Variants in MYO1F observed in about 807,000 individuals in gnomAD.
MYO1F encodes myosin IF.
MYO1F carries 60 observed loss-of-function variants against 146.6 expected under a neutral mutation model. The observed-to-expected ratio is 0.41, with a 90% confidence interval of 0.33 to 0.51. The LOEUF is 0.51. MYO1F is among the 20% of genes least tolerant of loss of function. MYO1F has a pLI of 0.25. For missense variants in MYO1F, 1,274 were observed against 1,534.3 expected, an observed-to-expected ratio of 0.83 and a Z score of 2.83; for synonymous variants, 602 against 602.1, an observed-to-expected ratio of 1.00 and a Z score of 0.00.
intron 4 of MYO1F, 116 bp downstream of exon 4, chr19:8,554,361 G>A: frequency 2.3e-6 from 2 of 853,890 alleles, no homozygotes; most frequent in South Asian, 1.3e-5. Flanking sequence ...TGAGGGCAGA[G>A]AGGGACAGCA....
Position 8,530,259 on chromosome 19 carries a change from G to A in MYO1F, c.2265C>T (p.Phe755=), listed in dbSNP as rs373696615. The A allele has an allele frequency of 1.7e-5, 27 of 1,614,032 alleles. No homozygotes were observed. Among genetic ancestry groups the A allele is most frequent in the Non-Finnish European group, 2.3e-5 (27 of 1,180,040 alleles). Residue 755 remains phenylalanine (F), a synonymous_variant, in exon 21 of 28, where the codon TTC becomes TTT. Coordinates refer to ENST00000644032, the MANE Select transcript of MYO1F (RefSeq NM_012335.4). This position sits in a 1 kb window ranked among gnomAD's most constrained non-coding sequence, Gnocchi z 5.8. ...GLEERPELRQ[F]LGKRERVDFA... ...AGTCCACCCGCTCCCTCTTGCCCAG[G>A]AACTGACGCAGCTCGGGCCGCTCCT...
At chr19:8,559,767 TG>T (rs1974001948) in intron 1 of MYO1F, among the ~76,000 whole-genome samples, 1 of 151,782 alleles carries the variant, frequency 6.6e-6, no homozygotes, top group African/African-American at 2.4e-5. Flanking sequence ...CTGACCAACA[TG>T]GTGAAACTCC....
chr19:8,526,031 A>AAAAAC (rs1491221778), intron 24 of MYO1F, among the ~76,000 whole-genome samples: 1 of 151,882 alleles, frequency 6.6e-6, no homozygotes, highest in Non-Finnish European at 1.5e-5. Flanking sequence ...GCCTTTGTTT[A>AAAAAC]AAAGTCTGTC....
At chr19:8,570,033 A>T (rs2042079830) in intron 1 of MYO1F, among the ~76,000 whole-genome samples, 1 of 151,810 alleles carries the variant, frequency 6.6e-6, no homozygotes, top group Non-Finnish European at 1.5e-5. Flanking sequence ...CAGCCTCCTG[A>T]GTAGCTGGGA....
intron 1 of MYO1F, chr19:8,576,947 G>A: frequency 2.2e-6 from 1 of 448,414 alleles, no homozygotes; most frequent in East Asian, 4.4e-5. Context: ...GGCTACACAG[G>A]GAGACGAGAG....
chr19:8,521,734 C>T, intron 27 of MYO1F, 130 bp from the exon 28 acceptor site: 6 of 811,890 alleles, frequency 7.4e-6, no homozygotes, highest in East Asian at 2.7e-5. Flanking sequence ...TAGGCTTAAG[C>T]CATCCTCCTG....
chr19:8,537,081 G>A lies in MYO1F; in HGVS notation c.1693-26C>T, dbSNP rs377220910. 7.6e-5 allele frequency: 115 copies of A among 1,516,132 alleles called. 1 individual carries two copies. Among genetic ancestry groups the A allele is most frequent in the Non-Finnish European group, 9.6e-5 (105 of 1,097,624 alleles). 93.9% of individuals were successfully genotyped at this position (1,516,132 alleles called of 1,614,324 possible). On this transcript the variant is annotated intron_variant, in intron 16 of 27. Coordinates refer to ENST00000644032, the MANE Select transcript of MYO1F (RefSeq NM_012335.4). Reference sequence around the variant, plus strand: ...CTGAGGCAGAAGTGAAGACGGGTGGGTGGGGGGCACAGAGATGGGACCCTC... The same window carrying A: ...CTGAGGCAGAAGTGAAGACGGGTGGATGGGGGGCACAGAGATGGGACCCTC...
chr19:8,530,088 G>C lies in MYO1F; in HGVS notation c.2328+108C>G. On this transcript the variant is annotated intron_variant, in intron 21 of 27. Coordinates refer to ENST00000644032, the MANE Select transcript of MYO1F (RefSeq NM_012335.4). The surrounding 1 kb of genome is among the most constrained non-coding windows in gnomAD (Gnocchi z 5.8). ...GTGAGGGTGTACCTGTGATGGAACA[G>C]ATGGATCTAGGCTGGGGGATATCTG... is the stretch of plus-strand genomic sequence containing the variant. 1.4e-6 allele frequency: 2 copies of C among 1,471,550 alleles called. No homozygotes were observed. The highest frequency in any genetic ancestry group is 9.5e-7 in the Non-Finnish European group (1 of 1,057,190). 91.2% of individuals were successfully genotyped at this position (1,471,550 alleles called of 1,614,324 possible). A position where few individuals can be genotyped will look rare whatever the true frequency, so the allele number is the denominator to read the frequency against.
rs1416105893 is a variant in MYO1F, at chr19:8,530,487, G to A, written c.2130C>T (p.Val710=). ...CCTCCCGCATCTCCTCGTACTTCCG[G>A]ACAGCCACGTGGCGCCGCCAGGCCT... is the stretch of plus-strand genomic sequence containing the variant. ...IQKAWRRHVA[V]RKYEEMREEA... Residue 710 remains valine (V), a synonymous_variant, in exon 20 of 28, where the codon GTC becomes GTT. Transcript: ENST00000644032. This position sits in a 1 kb window ranked among gnomAD's most constrained non-coding sequence, Gnocchi z 5.8. 1.2e-6 allele frequency: 2 copies of A among 1,613,614 alleles called. No individual in the cohort carries two copies. Among genetic ancestry groups the A allele is most frequent in the Admixed American group, 3.3e-5 (2 of 59,974 alleles).
chr19:8,559,808 G>A (rs2145942971), intron 1 of MYO1F, among the ~76,000 whole-genome samples: 1 of 152,078 alleles, frequency 6.6e-6, no homozygotes, highest in South Asian at 2.1e-4. Flanking sequence ...AAATTAGCTG[G>A]GCGTGGTGGC....
At chr19:8,526,127 G>A (rs1972255891) in intron 24 of MYO1F, among the ~76,000 whole-genome samples, 1 of 152,178 alleles carries the variant, frequency 6.6e-6, no homozygotes, top group South Asian at 2.1e-4. Context: ...ATGAGTTCAA[G>A]ACCAGCCTGG....
At chr19:8,569,184 C>T (rs2042064520) in intron 1 of MYO1F, among the ~76,000 whole-genome samples, 1 of 152,126 alleles carries the variant, frequency 6.6e-6, no homozygotes, top group African/African-American at 2.4e-5. Context: ...ATTCTGTGGC[C>T]TCCAAGTCTC....
chr19:8,536,872 G>A (rs964998665), intron 17 of MYO1F, 77 bp downstream of exon 17: 15 of 1,051,388 alleles, frequency 1.4e-5, no homozygotes, highest in Middle Eastern at 2.0e-4. Context: ...AGGAGGTCAG[G>A]GAGGTGTCTC....
chr19:8,569,181 G>A (rs1225064955), intron 1 of MYO1F, among the ~76,000 whole-genome samples: 2 of 152,068 alleles, frequency 1.3e-5, no homozygotes, highest in African/African-American at 4.8e-5. Context: ...CTCATTCTGT[G>A]GCCTCCAAGT....
Position 8,551,946 on chromosome 19 carries a change from C to T in MYO1F, c.637-72G>A, listed in dbSNP as rs769604235. On this transcript the variant is annotated intron_variant, in intron 7 of 27. Coordinates refer to ENST00000644032, the MANE Select transcript of MYO1F (RefSeq NM_012335.4). The stretch of plus-strand genomic sequence containing the variant: ...CCCCTGTGATCCCTCATCTGCCCTG[C>T]CATGCCCCCCTAGGTGTTTACCTTC... 3.1e-6 allele frequency: 5 copies of T among 1,613,882 alleles called. No homozygotes were observed. In the Admixed American group the frequency reaches 6.7e-5, roughly 22 times the overall value.
rs1424978531 is a variant in MYO1F, at chr19:8,545,790, C to G, written c.1270-54G>C. 53 of 1,291,662 alleles carry G rather than the reference C, an allele frequency of 4.1e-5. 1 individual carries two copies. The highest frequency in any genetic ancestry group is 5.9e-5 in the Non-Finnish European group (52 of 886,574). The allele number at this position is 1,291,662 out of a possible 1,614,324, so 80.0% of individuals were successfully genotyped here. ...GGCCAGTGAAAAAGTTGTGGCCACC[C>G]TTCCCCCCATGTCCTCTCCCCTTCT... is the stretch of plus-strand genomic sequence containing the variant. On this transcript the variant is annotated intron_variant, in intron 12 of 27. Coordinates refer to ENST00000644032, the MANE Select transcript of MYO1F (RefSeq NM_012335.4).
intron 14 of MYO1F, chr19:8,544,036 CGGTGCTGGTGGTGGTGG>C (rs1973219481): frequency 7.4e-6 from 2 of 270,304 alleles, no homozygotes; most frequent in Admixed American, 1.6e-4. Context: ...GTGGCGGTGG[CGGTGCTGGTGGTGGTGG>C]TGGTGGTGGT....
In MYO1F at chr19:8,550,700, G is replaced by A. The variant is rs375394406; in HGVS notation, c.772-6C>T. On this transcript the variant is annotated splice_region_variant and splice_polypyrimidine_tract_variant and intron_variant, in intron 8 of 27. Transcript: ENST00000644032. ...CCAATAACCTGCATAGCACTCTGTG[G>A]TACAACGGGGGCAGAAACTGTGCCG... is the stretch of plus-strand genomic sequence containing the variant. The A allele has an allele frequency of 6.2e-6, 10 of 1,613,838 alleles. No homozygotes were observed. The highest frequency in any genetic ancestry group is 8.5e-6 in the Non-Finnish European group (10 of 1,179,998).
intron 1 of MYO1F, among the ~76,000 whole-genome samples, chr19:8,574,610 T>C (rs12973191): frequency 2.0e-5 from 1 of 49,202 alleles, no homozygotes; most frequent in African/African-American, 8.8e-5. Context: ...TCTTTCTTTC[T>C]TTCTTTCTTT....
Sources: allele counts gnomAD v4.1 joint callset (sites outside exome capture counted in the v4.1 genomes callset), GRCh38; gene constraint gnomAD v4.1.1; non-coding constraint Gnocchi (gnomAD v3.1); transcripts MANE v1.5; gene names NCBI Gene and HGNC (gene_info 2026-07-23, HGNC 2026-07-21).